Variants in STRBP observed in about 807,000 individuals in gnomAD.
STRBP encodes the protein spermatid perinuclear RNA-binding protein.
Under a neutral mutation model 80.1 loss-of-function variants are expected in STRBP, and 13 were observed. The observed-to-expected ratio is 0.16, with a 90% confidence interval of 0.11 to 0.26. The LOEUF (loss-of-function observed/expected upper bound fraction) is 0.26. STRBP is among the 10% of genes least tolerant of loss of function. The pLI, the probability that STRBP is intolerant of heterozygous loss-of-function variation, is 1.00. For synonymous variants in STRBP, 284 were observed against 291.2 expected (o/e 0.98, Z 0.25); for missense variants, 485 against 815.2 (o/e 0.59, Z 4.93).
intron 12 of STRBP, 93 bp from the exon 13 acceptor site, chr9:123,147,147 C>A: frequency 9.4e-7 from 1 of 1,058,658 alleles, no homozygotes; most frequent in Non-Finnish European, 1.3e-6. Flanking sequence ...TGTAAATTCA[C>A]CAAAATTTTT....
intron 6 of STRBP, among the ~76,000 whole-genome samples, chr9:123,166,947 C>G (rs1205321531): frequency 6.6e-6 from 1 of 152,120 alleles, no homozygotes; most frequent in Non-Finnish European, 1.5e-5. Context: ...TAGGAGGAAA[C>G]TTACCTATGA....
At chr9:123,142,911 TGACAA>T (rs907528391) in intron 13 of STRBP, among the ~76,000 whole-genome samples, 4 of 152,148 alleles carry the variant, frequency 2.6e-5, no homozygotes, top group Non-Finnish European at 4.4e-5. Context: ...AGCTTAAAAA[TGACAA>T]GATCACTCAT....
At chr9:123,120,871 G>T (rs2035722456), downstream of STRBP, among the ~76,000 whole-genome samples, 1 of 152,190 alleles carries the variant, frequency 6.6e-6, no homozygotes, top group Non-Finnish European at 1.5e-5. Flanking sequence ...CTATTTTGGT[G>T]ATGTCAGAGG....
intron 2 of STRBP, among the ~76,000 whole-genome samples, chr9:123,204,493 G>C (rs2132517075): frequency 6.6e-6 from 1 of 152,298 alleles, no homozygotes; most frequent in East Asian, 1.9e-4. Context: ...AATAGTACAT[G>C]ACTCCGTAGC....
chr9:123,138,242 A>C (rs2036442953), intron 14 of STRBP, among the ~76,000 whole-genome samples: 1 of 152,168 alleles, frequency 6.6e-6, no homozygotes, highest in South Asian at 2.1e-4. Flanking sequence ...AATGGTCTGG[A>C]CCTCATAATT....
chr9:123,116,465 A>G (rs2035646863), intron 2 of STRBP, among the ~76,000 whole-genome samples: 1 of 152,154 alleles, frequency 6.6e-6, no homozygotes, highest in Non-Finnish European at 1.5e-5. Flanking sequence ...AAAGAAAACA[A>G]AACAAAAAAA....
intron 1 of STRBP, among the ~76,000 whole-genome samples, chr9:123,259,804 A>G (rs2041121986): frequency 6.6e-6 from 1 of 152,222 alleles, no homozygotes; most frequent in Non-Finnish European, 1.5e-5. Context: ...CAAAAAAGAG[A>G]CTATGAAGCC....
rs368114715 is a variant in STRBP at position 123,170,078 on chromosome 9, GTTAA to G, written c.391-36_391-33del. The G allele has an allele frequency of 5.7e-4, 899 of 1,578,214 alleles. 12 individuals carry two copies. The East Asian group carries it at 0.016, about 29-fold the overall frequency. ...GTCACCAAGATTTCAAAATCACCCAGTTAATTAGACTGAAACCTCAAAAGAAAAA... is the reference window on the plus strand; with the variant it reads ...GTCACCAAGATTTCAAAATCACCCAGTTAGACTGAAACCTCAAAAGAAAAA... On this transcript the variant is annotated intron_variant, in intron 5 of 18. Coordinates refer to ENST00000348403, the MANE Select transcript of STRBP (RefSeq NM_018387.5).
At chr9:123,131,375 C>A (rs1027154307) in intron 17 of STRBP, among the ~76,000 whole-genome samples, 1 of 152,216 alleles carries the variant, frequency 6.6e-6, no homozygotes, top group African/African-American at 2.4e-5. Context: ...TAATTCACAT[C>A]ATTCCCCAGT....
chr9:123,198,540 C>T (rs921076733), intron 2 of STRBP, among the ~76,000 whole-genome samples: 2 of 152,048 alleles, frequency 1.3e-5, no homozygotes, highest in Non-Finnish European at 2.9e-5. Context: ...AATACTTTCA[C>T]CTATTGTGTG....
intron 1 of STRBP, among the ~76,000 whole-genome samples, chr9:123,239,340 A>T (rs1367542360): frequency 1.3e-5 from 2 of 151,914 alleles, no homozygotes; most frequent in African/African-American, 4.8e-5. Flanking sequence ...GCGCCACTGC[A>T]CTCTGGCCTG....
chr9:123,237,117 A>G (rs2040585204), intron 1 of STRBP, among the ~76,000 whole-genome samples, 151 bp from the exon 2 acceptor site: 1 of 152,242 alleles, frequency 6.6e-6, no homozygotes, highest in African/African-American at 2.4e-5. Context: ...AGCCTGGGCA[A>G]CAGAGCCAGA....
intron 13 of STRBP, among the ~76,000 whole-genome samples, chr9:123,145,711 T>C (rs1006931619): frequency 6.6e-6 from 1 of 152,188 alleles, no homozygotes; most frequent in Non-Finnish European, 1.5e-5. Flanking sequence ...TCTCAGTGTA[T>C]GTTGTTACTA....
At chr9:123,231,027 C>T (rs1222518849) in intron 2 of STRBP, among the ~76,000 whole-genome samples, 1 of 152,098 alleles carries the variant, frequency 6.6e-6, no homozygotes, top group Admixed American at 6.5e-5. Context: ...TTTCTGCAAC[C>T]CAGTGGTTCT....
rs770857399 is a variant in STRBP at position 123,183,028 on chromosome 9, A to AC, written c.3+1103_3+1104insG. ...AGATCCTGTCTCAAAAAAAAAAAAA[A>AC]AAAAAAAAAACAAAAAATCAAAAAA... On this transcript the variant is annotated intron_variant, in intron 3 of 18. Transcript: ENST00000348403. 0.011 allele frequency among the ~76,000 whole-genome samples: 194 copies of AC among 17,868 alleles called. 2 individuals are homozygous for AC. In the Middle Eastern group the frequency reaches 0.4, roughly 37 times the overall value. The allele number at this position is 17,868 out of a possible 152,430, so 11.7% of individuals were successfully genotyped here.
chr9:123,157,899 A>G (rs1588012854), intron 11 of STRBP, 113 bp downstream of exon 11: 1 of 806,744 alleles, frequency 1.2e-6, no homozygotes. Context: ...AGCTTTTTAT[A>G]TATGATTTGG....
chr9:123,187,268 T>TAA (rs5900565), intron 2 of STRBP, among the ~76,000 whole-genome samples: 3 of 138,786 alleles, frequency 2.2e-5, no homozygotes, highest in African/African-American at 8.2e-5. Flanking sequence ...TTCAGCTATT[T>TAA]AAAAAAAAAA....
rs906127432 is a variant in STRBP at position 123,157,751 on chromosome 9, C to A, written c.1045+261G>T. 5.3e-5 allele frequency among the ~76,000 whole-genome samples: 8 copies of A among 152,084 alleles called. No individual in the cohort carries two copies. The South Asian group carries it at 6.2e-4, about 12-fold the overall frequency. On this transcript the variant is annotated intron_variant, in intron 11 of 18. Transcript: ENST00000348403. ...ATCCTGTGAGAACTCACTATCACAACAACAGCATGGAGGTAACTGCCTCCA... is the reference window on the plus strand; with the variant it reads ...ATCCTGTGAGAACTCACTATCACAAAAACAGCATGGAGGTAACTGCCTCCA...
At chr9:123,166,929 G>A (rs778397870) in intron 6 of STRBP, among the ~76,000 whole-genome samples, 7 of 152,110 alleles carry the variant, frequency 4.6e-5, no homozygotes, top group Non-Finnish European at 7.4e-5. Flanking sequence ...GAAAGACAAC[G>A]GAAAACATAG....
Sources: allele counts gnomAD v4.1 joint callset (sites outside exome capture counted in the v4.1 genomes callset), GRCh38; gene constraint gnomAD v4.1.1; transcripts MANE v1.5; gene names NCBI Gene and HGNC (gene_info 2026-07-23, HGNC 2026-07-21).